Variants in FA2H observed in about 807,000 individuals in gnomAD.
FA2H encodes fatty acid 2-hydroxylase.
FA2H carries 22 observed loss-of-function variants against 44.9 expected under a neutral mutation model. The ratio of observed to expected loss-of-function variants is 0.49; its 90% confidence interval spans 0.35 to 0.70. The LOEUF (loss-of-function observed/expected upper bound fraction) is 0.70. FA2H is among the 30% of genes least tolerant of loss of function. The pLI, the probability that FA2H is intolerant of heterozygous loss-of-function variation, is 0.01. For synonymous variants in FA2H, 243 were observed against 213.2 expected, an observed-to-expected ratio of 1.14 and a Z score of -1.22; for missense variants, 501 against 504.9, an observed-to-expected ratio of 0.99 and a Z score of 0.07.
At chr16:74,721,511 C>T (rs1961839211) in intron 4 of FA2H, among the ~76,000 whole-genome samples, 1 of 152,146 alleles carries the variant, frequency 6.6e-6, no homozygotes, top group Non-Finnish European at 1.5e-5. Context: ...CTCACCTGCA[C>T]CCATGAACCC....
intron 2 of FA2H, among the ~76,000 whole-genome samples, chr16:74,734,188 C>G (rs1345469962): frequency 6.6e-6 from 1 of 152,198 alleles, no homozygotes; most frequent in Non-Finnish European, 1.5e-5. Flanking sequence ...AAGGGGAGAT[C>G]AGGCCACACT....
In FA2H at chr16:74,741,791, T is replaced by C. The variant is rs1467943315; in HGVS notation, c.271-1676A>G. 8.7e-3 allele frequency among the ~76,000 whole-genome samples: 654 copies of C among 75,566 alleles called. 9 individuals are homozygous for C. The highest frequency in any genetic ancestry group is 0.013 in the Non-Finnish European group (518 of 39,944). The allele number at this position is 75,566 out of a possible 152,430, so 49.6% of individuals were successfully genotyped here. On this transcript the variant is annotated intron_variant, in intron 1 of 6. Transcript: ENST00000219368. ...CTGATTAAATATATATATATATATATATATATATATATATATATGTGTGTG... is the reference window on the plus strand; with the variant it reads ...CTGATTAAATATATATATATATATACATATATATATATATATATGTGTGTG...
intron 4 of FA2H, 144 bp downstream of exon 4, chr16:74,726,081 A>T: frequency 1.5e-6 from 1 of 665,680 alleles, no homozygotes; most frequent in South Asian, 1.6e-5. Flanking sequence ...TCTTTGGAAG[A>T]CTATTTCTAC....
At chr16:74,757,907 T>C (rs1446518935) in intron 1 of FA2H, among the ~76,000 whole-genome samples, 2 of 151,932 alleles carry the variant, frequency 1.3e-5, no homozygotes, top group Non-Finnish European at 2.9e-5. Context: ...TAGTCCCAGC[T>C]ATTTGGGAGG....
chr16:74,728,045 C>T (rs1009444290), intron 2 of FA2H, among the ~76,000 whole-genome samples: 11 of 152,120 alleles, frequency 7.2e-5, no homozygotes, highest in African/African-American at 2.7e-4. Flanking sequence ...GGAAGTCAGG[C>T]CTGGGTACAA....
intron 2 of FA2H, among the ~76,000 whole-genome samples, chr16:74,728,511 A>C (rs1389025226): frequency 7.9e-5 from 12 of 152,054 alleles, no homozygotes; most frequent in Admixed American, 2.0e-4. Flanking sequence ...CACAGATGTA[A>C]AGTTGAATAT....
At chr16:74,768,013 ATGTGGTGGGTTTCAGAGC>A (rs1962839972) in intron 1 of FA2H, among the ~76,000 whole-genome samples, 1 of 151,766 alleles carries the variant, frequency 6.6e-6, no homozygotes, top group Non-Finnish European at 1.5e-5. Flanking sequence ...TGTTTCTGTG[ATGTGGTGGGTTTCAGAGC>A]GCATGGGATG....
intron 1 of FA2H, among the ~76,000 whole-genome samples, chr16:74,755,878 T>TA (rs35281734): frequency 0.19 from 28,921 of 151,452 alleles, 3,332 homozygotes; most frequent in East Asian, 0.37. Flanking sequence ...TTCATATAGT[T>TA]AAAAAAAAAT....
chr16:74,765,703 G>A (rs1323269752), intron 1 of FA2H, among the ~76,000 whole-genome samples: 1 of 152,032 alleles, frequency 6.6e-6, no homozygotes, highest in Non-Finnish European at 1.5e-5. Context: ...ACAGACACAT[G>A]ACCACGCCTG....
At chr16:74,738,972 C>A (rs1016679946) in intron 2 of FA2H, among the ~76,000 whole-genome samples, 3 of 152,224 alleles carry the variant, frequency 2.0e-5, no homozygotes, top group African/African-American at 4.8e-5. Flanking sequence ...GTGCTGTGGG[C>A]GGATGGGTTC....
intron 2 of FA2H, among the ~76,000 whole-genome samples, chr16:74,734,873 G>C (rs963011625): frequency 6.6e-6 from 1 of 152,258 alleles, no homozygotes; most frequent in Non-Finnish European, 1.5e-5. Context: ...ATGAGCTAAG[G>C]CAATTGTTTA....
At chr16:74,724,857 C>A (rs1006599209) in intron 4 of FA2H, among the ~76,000 whole-genome samples, 4 of 152,196 alleles carry the variant, frequency 2.6e-5, no homozygotes, top group Admixed American at 2.0e-4. Context: ...CCCAGCATCA[C>A]CCCTGTCTGC....
chr16:74,766,054 TCC>T (rs1424606834), intron 1 of FA2H, among the ~76,000 whole-genome samples: 1 of 151,982 alleles, frequency 6.6e-6, no homozygotes, highest in Non-Finnish European at 1.5e-5. Flanking sequence ...ACACCTGTGA[TCC>T]CAGCACTTTG....
chr16:74,747,638 G>A (rs1390893748), intron 1 of FA2H, among the ~76,000 whole-genome samples: 4 of 152,072 alleles, frequency 2.6e-5, no homozygotes, highest in Admixed American at 1.3e-4. Flanking sequence ...GATGGAAGGA[G>A]AGATGGGAGC....
intron 4 of FA2H, among the ~76,000 whole-genome samples, chr16:74,723,171 C>T (rs896828974): frequency 3.9e-5 from 6 of 152,204 alleles, no homozygotes; most frequent in African/African-American, 1.4e-4. Context: ...AATTGTACAC[C>T]TATGGGCATT....
At chr16:74,766,254 G>A (rs565137738) in intron 1 of FA2H, among the ~76,000 whole-genome samples, 16 of 152,060 alleles carry the variant, frequency 1.1e-4, no homozygotes, top group Non-Finnish European at 1.9e-4. Flanking sequence ...AGCTGAGATC[G>A]TGCCACTGCA....
intron 1 of FA2H, among the ~76,000 whole-genome samples, chr16:74,773,115 A>T (rs1185991898): frequency 6.6e-6 from 1 of 152,100 alleles, no homozygotes; most frequent in Admixed American, 6.5e-5. Flanking sequence ...GGCTCGAGCG[A>T]TCCTCTTACC....
chr16:74,741,808 A>ATATATGTGTGTGTGTGTGTGTGTG (rs1491185782), intron 1 of FA2H, among the ~76,000 whole-genome samples: 1 of 48,412 alleles, frequency 2.1e-5, no homozygotes, highest in African/African-American at 1.1e-4. Context: ...ATATATATAT[A>ATATATGTGTGTGTGTGTGTGTGTG]TGTGTGTGTG....
At chr16:74,766,451 G>A (rs1389748085) in intron 1 of FA2H, among the ~76,000 whole-genome samples, 1 of 152,192 alleles carries the variant, frequency 6.6e-6, no homozygotes, top group South Asian at 2.1e-4. Flanking sequence ...CTGGACTTAA[G>A]GGATATGGCA....
Sources: allele counts gnomAD v4.1 joint callset (sites outside exome capture counted in the v4.1 genomes callset), GRCh38; gene constraint gnomAD v4.1.1; transcripts MANE v1.5; gene names NCBI Gene and HGNC (gene_info 2026-07-23, HGNC 2026-07-21).